RTN1: variants seen among roughly 807,000 people sequenced by gnomAD.
RTN1 encodes reticulon-1.
A neutral mutation model predicts 65.5 loss-of-function variants in RTN1; 25 were observed. The observed-to-expected ratio is 0.38, with a 90% CI of 0.28 to 0.53. The LOEUF is 0.53. RTN1 is among the 20% of genes least tolerant of loss of function. The pLI is 0.79. For missense variants in RTN1, 983 were observed against 1,025.4 expected, an observed-to-expected ratio of 0.96 and a Z score of 0.57; for synonymous variants, 471 against 447.6, an observed-to-expected ratio of 1.05 and a Z score of -0.66.
chr14:59,719,552 C>T (rs1372550924), intron 3 of RTN1, among the ~76,000 whole-genome samples: 2 of 152,258 alleles, frequency 1.3e-5, no homozygotes, highest in South Asian at 2.1e-4. Flanking sequence ...GTGTCAGGCA[C>T]ATCCTATGCC....
intron 3 of RTN1, among the ~76,000 whole-genome samples, chr14:59,710,667 G>A (rs1310532245): frequency 6.6e-6 from 1 of 152,202 alleles, no homozygotes; most frequent in Non-Finnish European, 1.5e-5. Flanking sequence ...AAGCAGGCCT[G>A]CCATGGCCAT....
In RTN1 at chr14:59,836,314, G is replaced by C. The variant is rs376217970; in HGVS notation, c.241+34076C>G. 5.9e-5 allele frequency among the ~76,000 whole-genome samples: 9 copies of C among 152,338 alleles called. No homozygotes were observed. The East Asian group carries it at 1.5e-3, about 26-fold the overall frequency. ...TCACATGTGCCAGGCATGCTGCCAA[G>C]GGCTTTACACGCATCATCCCACTGA... On this transcript the variant is annotated intron_variant, in intron 1 of 8. Coordinates refer to ENST00000267484, the MANE Select transcript of RTN1 (RefSeq NM_021136.3). This position sits in a 1 kb window ranked among gnomAD's most constrained non-coding sequence, Gnocchi z 4.9.
chr14:59,662,746 A>T (rs946841454), intron 3 of RTN1, among the ~76,000 whole-genome samples: 1 of 152,222 alleles, frequency 6.6e-6, no homozygotes, highest in Non-Finnish European at 1.5e-5. Flanking sequence ...ACTACAAACC[A>T]CTGCTCAATG....
intron 3 of RTN1, among the ~76,000 whole-genome samples, chr14:59,661,742 G>T (rs1460912737): frequency 1.3e-5 from 2 of 152,248 alleles, no homozygotes; most frequent in East Asian, 3.9e-4. Context: ...AGGTACTGAA[G>T]GAACGTACCT....
intron 3 of RTN1, among the ~76,000 whole-genome samples, chr14:59,646,215 C>T (rs963895685): frequency 7.2e-5 from 11 of 152,122 alleles, no homozygotes; most frequent in African/African-American, 2.7e-4. Context: ...AATCTCAGAA[C>T]TTGGAAGACT....
In RTN1 at chr14:59,807,747, G is replaced by T. The variant is rs538158834; in HGVS notation, c.242-61266C>A. Reference sequence around the variant, plus strand: ...AATGTAACTGTTTTTGCCACTTGAGGTAGGCAGAGGACATTTTCCAAGAAT... The same window carrying T: ...AATGTAACTGTTTTTGCCACTTGAGTTAGGCAGAGGACATTTTCCAAGAAT... On this transcript the variant is annotated intron_variant, in intron 1 of 8. Coordinates refer to ENST00000267484, the MANE Select transcript of RTN1 (RefSeq NM_021136.3). Among the ~76,000 whole-genome samples, 38 of 152,314 alleles carry T rather than the reference G, an allele frequency of 2.5e-4. 1 individual carries two copies. Among genetic ancestry groups the T allele is most frequent in the South Asian group, 1.5e-3 (7 of 4,826 alleles).
chr14:59,659,085 C>T (rs905678071), intron 3 of RTN1, among the ~76,000 whole-genome samples: 1 of 151,384 alleles, frequency 6.6e-6, no homozygotes, highest in Non-Finnish European at 1.5e-5. Flanking sequence ...CTTCGTGAAG[C>T]ATACACAAGT....
chr14:59,662,610 T>C (rs1266967884), intron 3 of RTN1, among the ~76,000 whole-genome samples: 1 of 152,100 alleles, frequency 6.6e-6, no homozygotes, highest in Non-Finnish European at 1.5e-5. Flanking sequence ...CAAGCATTCT[T>C]ATATGCCAAT....
chr14:59,674,123 T>A (rs990442514), intron 3 of RTN1, among the ~76,000 whole-genome samples: 1 of 152,198 alleles, frequency 6.6e-6, no homozygotes, highest in African/African-American at 2.4e-5. Context: ...CAGTTTTCAA[T>A]GTCCCTGTTT....
chr14:59,818,906 T>A (rs1158980119), intron 1 of RTN1, among the ~76,000 whole-genome samples: 1 of 152,220 alleles, frequency 6.6e-6, no homozygotes, highest in Non-Finnish European at 1.5e-5. Flanking sequence ...TTGGTCTTGC[T>A]GACTTCAACA....
At chr14:59,717,763 A>G (rs894824300) in intron 3 of RTN1, among the ~76,000 whole-genome samples, 1 of 152,198 alleles carries the variant, frequency 6.6e-6, no homozygotes, top group African/African-American at 2.4e-5. Context: ...CACAAGAACC[A>G]TTTAAACTAA....
rs1884798595 is a variant in RTN1 at position 59,727,432 on chromosome 14, C to T, written c.1252G>A (p.Glu418Lys). 6.4e-7 allele frequency: 1 copy of T among 1,553,870 alleles called. No homozygotes were observed. Among genetic ancestry groups the T allele is most frequent in the Non-Finnish European group, 8.7e-7 (1 of 1,149,622 alleles). ...GCGTCCTCCGCGGCCATGGGGTCCT[C>T]GGACACCAGCTCGATCTCTGAGTCC... Reference protein sequence around the residue: ...SGDSEIELVSEDPMAAEDALP... With the variant: ...SGDSEIELVSKDPMAAEDALP... The change falls in exon 3 of 9, where the codon GAG becomes AAG. Residue 418 changes from glutamate (E) to lysine (K), a missense_variant. Transcript: ENST00000267484. The surrounding 1 kb of genome is among the most constrained non-coding windows in gnomAD (Gnocchi z 4.2).
chr14:59,665,093 C>T (rs1390538453), intron 3 of RTN1, among the ~76,000 whole-genome samples: 3 of 152,040 alleles, frequency 2.0e-5, no homozygotes, highest in Non-Finnish European at 1.5e-5. Context: ...ATTTCTCATG[C>T]TTACTTAACA....
rs574063700 is a variant in RTN1 at position 59,733,758 on chromosome 14, C to A, written c.1016-6090G>T. On this transcript the variant is annotated intron_variant, in intron 2 of 8. Coordinates refer to ENST00000267484, the MANE Select transcript of RTN1 (RefSeq NM_021136.3). ...CTCCCTGGGTGAAATGCCTGAGGGA[C>A]AGGACAGGCTGCCACTTTGGCCATT... is the stretch of plus-strand genomic sequence containing the variant. Among the ~76,000 whole-genome samples the A allele has an allele frequency of 2.0e-5, 3 of 152,376 alleles. No individual in the cohort carries two copies. The East Asian group carries it at 5.8e-4, about 29-fold the overall frequency.
At chr14:59,618,644 T>C (rs1203513602) in intron 3 of RTN1, among the ~76,000 whole-genome samples, 4 of 152,236 alleles carry the variant, frequency 2.6e-5, no homozygotes, top group Admixed American at 1.3e-4. Context: ...ACTTGTATCT[T>C]GGCTAGTTAA....
intron 3 of RTN1, among the ~76,000 whole-genome samples, chr14:59,722,679 C>A (rs1460128585): frequency 6.6e-6 from 1 of 151,422 alleles, no homozygotes; most frequent in African/African-American, 2.4e-5. Context: ...ACTATATATT[C>A]CTGAATACTT....
chr14:59,723,922 A>G (rs947499521), intron 3 of RTN1, among the ~76,000 whole-genome samples: 1 of 152,210 alleles, frequency 6.6e-6, no homozygotes, highest in African/African-American at 2.4e-5. Context: ...ACTCTAATAA[A>G]AAGTATTCTA....
intron 1 of RTN1, among the ~76,000 whole-genome samples, chr14:59,838,692 A>G (rs1594762165): frequency 6.6e-6 from 1 of 152,180 alleles, no homozygotes; most frequent in East Asian, 1.9e-4. Flanking sequence ...AAGGACACAT[A>G]CCAAAATATC....
chr14:59,859,849 G>A (rs1594770411), intron 1 of RTN1, among the ~76,000 whole-genome samples: 1 of 152,300 alleles, frequency 6.6e-6, no homozygotes, highest in East Asian at 1.9e-4. Flanking sequence ...CTAGAGATTT[G>A]TGGAACTTCA....
Sources: gnomAD v4.1 joint callset for allele counts (sites outside exome capture counted in the v4.1 genomes callset) on GRCh38, gnomAD v4.1.1 for gene constraint, Gnocchi (gnomAD v3.1) non-coding constraint, MANE v1.5 for transcripts, NCBI Gene and HGNC (gene_info 2026-07-23, HGNC 2026-07-21) for gene names.